Variants in DLG2 observed in about 807,000 individuals in gnomAD.
The protein encoded by DLG2 is disks large homolog 2.
In DLG2, 45 loss-of-function variants were observed where a neutral mutation model predicts 132.5. The ratio of observed to expected loss-of-function variants is 0.34; its 90% CI spans 0.27 to 0.44. The LOEUF is 0.44. DLG2 is among the 20% of genes least tolerant of loss of function. The pLI is 1.00. For missense variants in DLG2, 1,045 were observed against 1,196.9 expected, an observed-to-expected ratio of 0.87 and a Z score of 1.87; for synonymous variants, 424 against 419.6, an observed-to-expected ratio of 1.01 and a Z score of -0.13.
At chr11:85,490,384 T>A (rs1355811043) in intron 3 of DLG2, among the ~76,000 whole-genome samples, 2 of 151,424 alleles carry the variant, frequency 1.3e-5, no homozygotes, top group Non-Finnish European at 2.9e-5. Flanking sequence ...AACAACTAGT[T>A]CAAGGAACTA....
chr11:85,333,449 G>A (rs1041382960), intron 3 of DLG2, among the ~76,000 whole-genome samples: 1 of 152,084 alleles, frequency 6.6e-6, no homozygotes, highest in African/African-American at 2.4e-5. Flanking sequence ...GGTTGCTCTG[G>A]CTAGGACTTT....
intron 3 of DLG2, among the ~76,000 whole-genome samples, chr11:85,530,693 A>T (rs1018022900): frequency 6.6e-6 from 1 of 152,142 alleles, no homozygotes; most frequent in Non-Finnish European, 1.5e-5. Context: ...AGTATTCTGC[A>T]CCCCAGGTAC....
chr11:85,610,365 C>G (rs1324217754), intron 2 of DLG2, among the ~76,000 whole-genome samples: 1 of 152,144 alleles, frequency 6.6e-6, no homozygotes, highest in Non-Finnish European at 1.5e-5. Context: ...TGTACCCAAC[C>G]CCTATACCCT....
intron 14 of DLG2, among the ~76,000 whole-genome samples, chr11:83,939,955 C>A (rs186249348): frequency 6.6e-6 from 1 of 152,136 alleles, no homozygotes; most frequent in Admixed American, 6.5e-5. Context: ...TGGCTTTAAT[C>A]GAATCACTTA....
At chr11:85,146,715 G>A (rs907865336) in intron 5 of DLG2, among the ~76,000 whole-genome samples, 79 of 152,150 alleles carry the variant, frequency 5.2e-4, no homozygotes, top group African/African-American at 1.8e-3. Flanking sequence ...ACACTTCCTT[G>A]GGTGTGACAA....
chr11:84,106,948 GAGAGAA>G lies in DLG2; in HGVS notation c.625-7907_625-7902del, dbSNP rs1162455701. Among the ~76,000 whole-genome samples the G allele has an allele frequency of 2.7e-4, 10 of 37,558 alleles. 1 individual carries two copies. The highest frequency in any genetic ancestry group is 8.6e-4 in the South Asian group (1 of 1,162). The allele number at this position is 37,558 out of a possible 152,430, so 24.6% of individuals were successfully genotyped here. On this transcript the variant is annotated intron_variant, in intron 9 of 27. Transcript: ENST00000376104. Reference sequence around the variant, plus strand: ...TGTGTGTGTGAGTGTGTGTGTGAGAGAGAGAAAGAGAGAGAGAGTTTTAGCCTTAGG... The same window carrying G: ...TGTGTGTGTGAGTGTGTGTGTGAGAGAGAGAGAGAGAGTTTTAGCCTTAGG...
chr11:83,965,160 G>C (rs1403529212), intron 13 of DLG2, among the ~76,000 whole-genome samples, 164 bp downstream of exon 13: 1 of 151,970 alleles, frequency 6.6e-6, no homozygotes, highest in Admixed American at 6.6e-5. Context: ...CAGGAGGTAA[G>C]GGCCTGCAAG....
At chr11:84,386,850 C>T (rs2098772632) in intron 7 of DLG2, among the ~76,000 whole-genome samples, 1 of 151,998 alleles carries the variant, frequency 6.6e-6, no homozygotes, top group Non-Finnish European at 1.5e-5. Flanking sequence ...CTTTGTAGGC[C>T]TGAAAAATAT....
At chr11:83,599,534 T>G (rs1267568696) in intron 19 of DLG2, among the ~76,000 whole-genome samples, 1 of 152,220 alleles carries the variant, frequency 6.6e-6, no homozygotes, top group African/African-American at 2.4e-5. Flanking sequence ...CATCTTGCCC[T>G]TCCTTTGTCA....
At chr11:84,635,810 G>T (rs1391316055) in intron 6 of DLG2, among the ~76,000 whole-genome samples, 1 of 151,992 alleles carries the variant, frequency 6.6e-6, no homozygotes, top group East Asian at 1.9e-4. Context: ...CTAAGAAAGT[G>T]GTATGGCCAG....
chr11:84,494,250 G>A (rs1372402670), intron 7 of DLG2, among the ~76,000 whole-genome samples: 1 of 152,162 alleles, frequency 6.6e-6, no homozygotes, highest in African/African-American at 2.4e-5. Flanking sequence ...CTCTTAATCG[G>A]AAAGAATATG....
intron 11 of DLG2, among the ~76,000 whole-genome samples, chr11:83,995,933 T>C (rs1209060321): frequency 6.6e-6 from 1 of 152,038 alleles, no homozygotes; most frequent in African/African-American, 2.4e-5. Context: ...TCTTGAACAA[T>C]ACCCCACAGG....
At chr11:83,955,716 C>T (rs2154151464) in intron 14 of DLG2, among the ~76,000 whole-genome samples, 1 of 152,320 alleles carries the variant, frequency 6.6e-6, no homozygotes, top group Admixed American at 6.5e-5. Context: ...TGGACACCAT[C>T]TAATCAGCTG....
At chr11:83,934,039 GA>G (rs2080929889) in intron 14 of DLG2, among the ~76,000 whole-genome samples, 2 of 152,200 alleles carry the variant, frequency 1.3e-5, no homozygotes, top group African/African-American at 4.8e-5. Context: ...CTTGAGTCTA[GA>G]ATAACTGTCT....
chr11:85,244,873 T>A (rs1391077508), intron 4 of DLG2, among the ~76,000 whole-genome samples: 1 of 151,918 alleles, frequency 6.6e-6, no homozygotes, highest in Non-Finnish European at 1.5e-5. Context: ...ATTCAGATAT[T>A]GATCATGGGA....
intron 21 of DLG2, among the ~76,000 whole-genome samples, chr11:83,484,592 T>C (rs992615167): frequency 2.0e-5 from 3 of 152,126 alleles, no homozygotes; most frequent in East Asian, 3.9e-4. Context: ...AACCTCAGTA[T>C]GTTCATCTGC....
intron 6 of DLG2, among the ~76,000 whole-genome samples, chr11:84,767,161 CAA>C (rs1247270910): frequency 4.6e-5 from 7 of 151,948 alleles, no homozygotes; most frequent in Admixed American, 1.3e-4. Flanking sequence ...ATATTTAGCA[CAA>C]AGTGTAATAA....
chr11:85,034,310 T>C (rs2061277822), intron 6 of DLG2, among the ~76,000 whole-genome samples: 1 of 152,028 alleles, frequency 6.6e-6, no homozygotes, highest in African/African-American at 2.4e-5. Context: ...TCTCCTGACC[T>C]CGTGATCCGC....
chr11:85,550,143 C>A (rs892927790), intron 3 of DLG2, among the ~76,000 whole-genome samples: 2 of 152,316 alleles, frequency 1.3e-5, no homozygotes, highest in Admixed American at 6.5e-5. Context: ...GTTCATGTAA[C>A]CTCACTTCTC....
Sources: allele counts gnomAD v4.1 joint callset (sites outside exome capture counted in the v4.1 genomes callset), GRCh38; gene constraint gnomAD v4.1.1; transcripts MANE v1.5; gene names NCBI Gene and HGNC (gene_info 2026-07-23, HGNC 2026-07-21).